The following LGSN variants were observed in gnomAD, a reference collection of about 807,000 sequenced individuals.
LGSN encodes the protein lengsin.
LGSN carries 21 observed loss-of-function variants against 19.5 expected under a neutral mutation model. That is an observed-to-expected ratio of 1.07 (90% CI 0.76 to 1.55). LGSN has a LOEUF of 1.55. Among genes scored for constraint, LGSN ranks in the 40% most tolerant of loss-of-function variants. LGSN has a pLI of 0.00. For missense variants in LGSN, 673 were observed against 608.5 expected (o/e 1.11, Z -1.12); for synonymous variants, 257 against 215.6 (o/e 1.19, Z -1.68).
chr6:63,356,922 C>T, the LGSN span, among the ~76,000 whole-genome samples: 1 of 151,894 alleles, frequency 6.6e-6, no homozygotes, highest in Non-Finnish European at 1.5e-5. Context: ...TGTTGGTATG[C>T]TGCACCCATT....
At chr6:63,338,991 CTCT>C in the LGSN span, among the ~76,000 whole-genome samples, 9 of 151,946 alleles carry the variant, frequency 5.9e-5, no homozygotes, top group African/African-American at 1.9e-4. Context: ...TTCAAAGTTC[CTCT>C]TGTTATTCAT....
chr6:63,499,627 A>G, the LGSN span, among the ~76,000 whole-genome samples: 1 of 152,040 alleles, frequency 6.6e-6, no homozygotes, highest in Non-Finnish European at 1.5e-5. Flanking sequence ...TGCAGCAGCA[A>G]TTTCCAGTTC....
the LGSN span, among the ~76,000 whole-genome samples, chr6:63,357,424 T>C: frequency 2.0e-5 from 3 of 151,642 alleles, no homozygotes; most frequent in Non-Finnish European, 4.4e-5. Flanking sequence ...TTCCACAATG[T>C]TCGAAGTAGT....
At chr6:63,431,982 A>T in the LGSN span, among the ~76,000 whole-genome samples, 1 of 151,672 alleles carries the variant, frequency 6.6e-6, no homozygotes, top group Non-Finnish European at 1.5e-5. Flanking sequence ...AGGCTGAGGC[A>T]GGAGAATCAC....
chr6:63,463,438 T>C, the LGSN span, among the ~76,000 whole-genome samples: 2 of 152,222 alleles, frequency 1.3e-5, no homozygotes, highest in African/African-American at 2.4e-5. Flanking sequence ...TTGCTACATA[T>C]ATCTAGGAAT....
At chr6:63,516,437 G>A in the LGSN span, among the ~76,000 whole-genome samples, 1 of 152,152 alleles carries the variant, frequency 6.6e-6, no homozygotes, top group African/African-American at 2.4e-5. Context: ...ACTGTTTTAC[G>A]GTAGAAGCAC....
chr6:63,495,398 C>G, the LGSN span, among the ~76,000 whole-genome samples: 3 of 151,342 alleles, frequency 2.0e-5, no homozygotes, highest in African/African-American at 7.3e-5. Context: ...TAATACTCTG[C>G]TGTAGATCCA....
chr6:63,530,850 C>T, the LGSN span, among the ~76,000 whole-genome samples: 1 of 151,998 alleles, frequency 6.6e-6, no homozygotes, highest in Non-Finnish European at 1.5e-5. Context: ...CTTAAAACAT[C>T]CAAATTGATA....
At chr6:63,552,321 A>G in the LGSN span, among the ~76,000 whole-genome samples, 36 of 152,284 alleles carry the variant, frequency 2.4e-4, 1 homozygote, top group African/African-American at 6.0e-4. Flanking sequence ...TTTTGGCTGC[A>G]TAAATGTCTT....
chr6:63,554,718 C>T, the LGSN span, among the ~76,000 whole-genome samples: 15 of 152,122 alleles, frequency 9.9e-5, no homozygotes, highest in African/African-American at 3.6e-4. Context: ...ACCAGGGAGG[C>T]AGAGGTTGCA....
the LGSN span, among the ~76,000 whole-genome samples, chr6:63,535,320 G>A: frequency 6.6e-6 from 1 of 151,862 alleles, no homozygotes; most frequent in East Asian, 1.9e-4. Context: ...CAAAAAATAA[G>A]CCAGGCATAG....
the LGSN span, among the ~76,000 whole-genome samples, chr6:63,377,011 ATTACT>A: frequency 1.3e-3 from 203 of 152,326 alleles, no homozygotes; most frequent in African/African-American, 4.7e-3. Context: ...TATTAAGAAA[ATTACT>A]TTAGGTGCAA....
chr6:63,298,456 G>A (rs1768062758), intron 1 of LGSN, among the ~76,000 whole-genome samples: 3 of 152,142 alleles, frequency 2.0e-5, no homozygotes, highest in African/African-American at 7.2e-5. Context: ...TACTGCAGAA[G>A]GTGTGAACTC....
chr6:63,457,995 G>A, the LGSN span, among the ~76,000 whole-genome samples: 1 of 152,010 alleles, frequency 6.6e-6, no homozygotes, highest in South Asian at 2.1e-4. Flanking sequence ...TGTCATAGTA[G>A]CACAAGGTCA....
the LGSN span, among the ~76,000 whole-genome samples, chr6:63,347,824 G>A: frequency 9.9e-5 from 15 of 152,062 alleles, no homozygotes; most frequent in Admixed American, 3.9e-4. Context: ...TTAAATAAGC[G>A]GTAACTTATT....
At chr6:63,405,074 C>T in the LGSN span, among the ~76,000 whole-genome samples, 8 of 149,872 alleles carry the variant, frequency 5.3e-5, no homozygotes, top group East Asian at 2.0e-4. Flanking sequence ...TTTGTTCTTG[C>T]GATAGTTTAC....
At chr6:63,350,183 C>T in the LGSN span, among the ~76,000 whole-genome samples, 9 of 152,146 alleles carry the variant, frequency 5.9e-5, no homozygotes, top group Non-Finnish European at 1.3e-4. Context: ...AGTGAGTAAG[C>T]TTTTTAGTTA....
At chr6:63,369,151 A>G in the LGSN span, among the ~76,000 whole-genome samples, 14 of 152,342 alleles carry the variant, frequency 9.2e-5, no homozygotes, top group South Asian at 2.5e-3. Context: ...GAGAATTCCT[A>G]CAATAATACC....
chr6:63,438,689 A>G, the LGSN span, among the ~76,000 whole-genome samples: 1 of 152,214 alleles, frequency 6.6e-6, no homozygotes, highest in Admixed American at 6.5e-5. Context: ...GCCAATCATT[A>G]AAAAGTCAGG....
Sources: gnomAD v4.1 joint callset for allele counts (sites outside exome capture counted in the v4.1 genomes callset) on GRCh38, gnomAD v4.1.1 for gene constraint, MANE v1.5 for transcripts, NCBI Gene and HGNC (gene_info 2026-07-23, HGNC 2026-07-21) for gene names.